Variants in MACROD2 observed in about 807,000 individuals in gnomAD.
MACROD2 encodes mono-ADP ribosylhydrolase 2.
In MACROD2, 36 loss-of-function variants were observed where a neutral mutation model predicts 70.4. The observed-to-expected ratio is 0.51, with a 90% CI of 0.39 to 0.68. The LOEUF is 0.68. Among genes scored for constraint, MACROD2 ranks in the 30% least tolerant of loss-of-function variants. The pLI is 0.00. For missense variants in MACROD2, 496 were observed against 538.4 expected, an observed-to-expected ratio of 0.92 and a Z score of 0.78; for synonymous variants, 172 against 178.8, an observed-to-expected ratio of 0.96 and a Z score of 0.30.
At chr20:15,961,852 T>C (rs1427132379) in intron 12 of MACROD2, among the ~76,000 whole-genome samples, 1 of 152,136 alleles carries the variant, frequency 6.6e-6, no homozygotes, top group Admixed American at 6.5e-5. Context: ...CAAGAGAGCC[T>C]GTGGTGTGAG....
chr20:14,151,010 G>T (rs2055012681), intron 3 of MACROD2, among the ~76,000 whole-genome samples: 2 of 152,168 alleles, frequency 1.3e-5, no homozygotes, highest in Admixed American at 1.3e-4. Context: ...TTATCATTCA[G>T]CACCAAATAA....
intron 4 of MACROD2, among the ~76,000 whole-genome samples, chr20:14,645,113 C>T (rs1227481184): frequency 1.3e-5 from 2 of 152,020 alleles, no homozygotes; most frequent in Admixed American, 1.3e-4. Context: ...ATTGTTCTCC[C>T]CTTCAGTGTT....
intron 5 of MACROD2, chr20:14,884,478 T>C (rs1412531924): frequency 6.6e-6 from 1 of 152,104 alleles, no homozygotes. Context: ...GGATCCAAGA[T>C]ACCACAGCTA....
intron 5 of MACROD2, among the ~76,000 whole-genome samples, chr20:14,762,022 T>C (rs2072022094): frequency 6.6e-6 from 1 of 152,134 alleles, no homozygotes; most frequent in African/African-American, 2.4e-5. Context: ...TGGCTTCTGC[T>C]GGTGGCTGCT....
At chr20:15,613,843 A>G (rs1003817275) in intron 8 of MACROD2, among the ~76,000 whole-genome samples, 1 of 152,240 alleles carries the variant, frequency 6.6e-6, no homozygotes, top group African/African-American at 2.4e-5. Context: ...CTTAAAATTG[A>G]TAAGTTGGCT....
intron 5 of MACROD2, among the ~76,000 whole-genome samples, chr20:15,138,507 A>G (rs1404729425): frequency 2.0e-5 from 3 of 152,176 alleles, no homozygotes; most frequent in Non-Finnish European, 4.4e-5. Context: ...TTCTTGTGCT[A>G]TAGGCTCCTT....
chr20:15,978,585 TCTC>T (rs2066346503), intron 13 of MACROD2, among the ~76,000 whole-genome samples: 4 of 64,750 alleles, frequency 6.2e-5, no homozygotes, highest in African/African-American at 2.6e-4. Flanking sequence ...ACCTTGGGTC[TCTC>T]TCTCTCTCTC....
intron 3 of MACROD2, among the ~76,000 whole-genome samples, chr20:14,197,575 C>G (rs1292668517): frequency 6.6e-6 from 1 of 152,000 alleles, no homozygotes; most frequent in Non-Finnish European, 1.5e-5. Context: ...CGAGACCAGC[C>G]TGGCCAACAT....
intron 5 of MACROD2, among the ~76,000 whole-genome samples, chr20:14,874,929 T>C (rs2073532383): frequency 6.6e-6 from 1 of 151,348 alleles, no homozygotes; most frequent in African/African-American, 2.4e-5. Context: ...GGTCTCAAAC[T>C]CCTGGCCTCA....
chr20:14,921,094 A>T (rs2122637111), intron 5 of MACROD2, among the ~76,000 whole-genome samples: 1 of 152,284 alleles, frequency 6.6e-6, no homozygotes, highest in Middle Eastern at 3.4e-3. Flanking sequence ...GTATAGAATT[A>T]AAAAACACTG....
At chr20:15,286,245 A>G (rs2077490261) in intron 6 of MACROD2, among the ~76,000 whole-genome samples, 2 of 152,164 alleles carry the variant, frequency 1.3e-5, no homozygotes, top group South Asian at 4.1e-4. Flanking sequence ...ATCAGTGAGT[A>G]ATGTGTTGGA....
chr20:15,856,011 T>C (rs1043096075), intron 8 of MACROD2, among the ~76,000 whole-genome samples: 1 of 152,200 alleles, frequency 6.6e-6, no homozygotes, highest in Non-Finnish European at 1.5e-5. Context: ...TTTTGGTGAA[T>C]ATATTTGTAG....
At chr20:15,072,326 G>T (rs903313388) in intron 5 of MACROD2, among the ~76,000 whole-genome samples, 7 of 152,050 alleles carry the variant, frequency 4.6e-5, no homozygotes, top group African/African-American at 1.7e-4. Flanking sequence ...ATTCATGTTG[G>T]AGTAATTTTT....
At chr20:14,041,097 C>G (rs1482136694) in intron 2 of MACROD2, among the ~76,000 whole-genome samples, 1 of 152,092 alleles carries the variant, frequency 6.6e-6, no homozygotes, top group Non-Finnish European at 1.5e-5. Flanking sequence ...TGTTTCTCAT[C>G]CAAACATTTT....
At chr20:15,807,595 G>C (rs1055693451) in intron 8 of MACROD2, among the ~76,000 whole-genome samples, 1 of 152,078 alleles carries the variant, frequency 6.6e-6, no homozygotes, top group Admixed American at 6.5e-5. Flanking sequence ...TTTCAAAAAC[G>C]TAATGGCAAG....
At chr20:15,044,313 T>C (rs1360740594) in intron 5 of MACROD2, among the ~76,000 whole-genome samples, 1 of 152,222 alleles carries the variant, frequency 6.6e-6, no homozygotes, top group East Asian at 1.9e-4. Flanking sequence ...ACAAGAGTTT[T>C]AGGGAGCTCT....
At chr20:14,712,996 A>G (rs1333858323) in intron 5 of MACROD2, among the ~76,000 whole-genome samples, 2 of 152,178 alleles carry the variant, frequency 1.3e-5, no homozygotes, top group Admixed American at 1.3e-4. Flanking sequence ...AATAAGAAAG[A>G]CGGAGAAAGA....
At chr20:14,941,099 T>G (rs2074385879) in intron 5 of MACROD2, among the ~76,000 whole-genome samples, 2 of 152,148 alleles carry the variant, frequency 1.3e-5, no homozygotes, top group Admixed American at 1.3e-4. Context: ...GTTTTTTATT[T>G]CTTCATAGTT....
At chr20:15,954,614 A>G (rs2065951004) in intron 12 of MACROD2, among the ~76,000 whole-genome samples, 1 of 152,152 alleles carries the variant, frequency 6.6e-6, no homozygotes, top group Non-Finnish European at 1.5e-5. Context: ...TACCAATTAA[A>G]ATTTATTGAC....
Sources: allele counts gnomAD v4.1 joint callset (sites outside exome capture counted in the v4.1 genomes callset), GRCh38; gene constraint gnomAD v4.1.1; transcripts MANE v1.5; gene names NCBI Gene and HGNC (gene_info 2026-07-23, HGNC 2026-07-21).